The following GMDS variants were observed in gnomAD, a reference collection of about 807,000 sequenced individuals.
The protein encoded by GMDS is GDP-mannose 4,6-dehydratase.
GMDS carries 20 observed loss-of-function variants against 49.9 expected under a neutral mutation model. That is an observed-to-expected ratio of 0.40 (90% confidence interval 0.28 to 0.58). The LOEUF (loss-of-function observed/expected upper bound fraction) is 0.58, where lower values mean the gene tolerates loss of function less well. Ranked by LOEUF, GMDS falls within the 20% of genes least tolerant of loss-of-function variation. The pLI, the probability that GMDS is intolerant of heterozygous loss-of-function variation, is 0.42. For missense variants in GMDS, 362 were observed against 481.4 expected, an observed-to-expected ratio of 0.75 and a Z score of 2.32; for synonymous variants, 177 against 178.6, an observed-to-expected ratio of 0.99 and a Z score of 0.07.
At chr6:2,082,031 C>T (rs1450895775) in intron 4 of GMDS, among the ~76,000 whole-genome samples, 1 of 152,166 alleles carries the variant, frequency 6.6e-6, no homozygotes, top group Non-Finnish European at 1.5e-5. Context: ...AGGAAATACC[C>T]TCATTGTTCT....
intron 4 of GMDS, among the ~76,000 whole-genome samples, chr6:2,099,506 G>C (rs1399095787): frequency 6.6e-6 from 1 of 152,052 alleles, no homozygotes; most frequent in African/African-American, 2.4e-5. Flanking sequence ...ACATGCCTCA[G>C]AATCATTTCA....
intron 1 of GMDS, among the ~76,000 whole-genome samples, chr6:2,235,210 G>C (rs1457130232): frequency 6.6e-6 from 1 of 152,218 alleles, no homozygotes; most frequent in Non-Finnish European, 1.5e-5. Context: ...CATCCCCTTA[G>C]GGGTGATGGG....
At chr6:2,086,759 G>A (rs1353000214) in intron 4 of GMDS, among the ~76,000 whole-genome samples, 1 of 152,218 alleles carries the variant, frequency 6.6e-6, no homozygotes, top group Non-Finnish European at 1.5e-5. Context: ...GTGATAGTAT[G>A]CCTTTCCAGG....
chr6:2,238,696 G>A (rs947849906), intron 1 of GMDS, among the ~76,000 whole-genome samples: 1 of 151,768 alleles, frequency 6.6e-6, no homozygotes, highest in African/African-American at 2.4e-5. Flanking sequence ...TTGTGATGTG[G>A]GCATAATTAA....
rs1015905690 is a variant in GMDS, at chr6:1,976,399, C to T, written c.346-15433G>A. On this transcript the variant is annotated intron_variant, in intron 4 of 10. Coordinates refer to ENST00000380815, the MANE Select transcript of GMDS (RefSeq NM_001500.4). ...CTTGTTCACCAGTATGTGCCTAACC[C>T]AGTGCCTGGCACATAACGGGAACAC... Among the ~76,000 whole-genome samples the T allele has an allele frequency of 2.0e-5, 3 of 152,162 alleles. No homozygotes were observed. The South Asian group carries it at 6.2e-4, about 31-fold the overall frequency.
At chr6:1,861,296 G>A (rs1042394825) in intron 7 of GMDS, among the ~76,000 whole-genome samples, 11 of 152,178 alleles carry the variant, frequency 7.2e-5, no homozygotes, top group African/African-American at 2.7e-4. Context: ...TATAAAATGG[G>A]AAGAGATGAT....
At chr6:1,743,201 C>T (rs1767343188) in intron 7 of GMDS, among the ~76,000 whole-genome samples, 1 of 152,034 alleles carries the variant, frequency 6.6e-6, no homozygotes, top group African/African-American at 2.4e-5. Flanking sequence ...AACATTTATC[C>T]CAGAGTTAAT....
chr6:2,098,374 T>G (rs1004540382), intron 4 of GMDS, among the ~76,000 whole-genome samples: 1 of 152,222 alleles, frequency 6.6e-6, no homozygotes, highest in Non-Finnish European at 1.5e-5. Flanking sequence ...ATTATTTTTA[T>G]AATTACTCTT....
chr6:1,663,141 C>T (rs1236403045), intron 9 of GMDS, among the ~76,000 whole-genome samples: 2 of 152,180 alleles, frequency 1.3e-5, no homozygotes. Flanking sequence ...TAGGAGCAGA[C>T]TGTAGCTTTT....
At chr6:1,702,482 T>C (rs945838843) in intron 9 of GMDS, among the ~76,000 whole-genome samples, 10 of 126,356 alleles carry the variant, frequency 7.9e-5, no homozygotes, top group Non-Finnish European at 1.3e-4. Context: ...TCACTGTATG[T>C]GGGAGGAGTA....
intron 7 of GMDS, among the ~76,000 whole-genome samples, chr6:1,897,822 G>C (rs1010725717): frequency 6.6e-6 from 1 of 152,192 alleles, no homozygotes; most frequent in Non-Finnish European, 1.5e-5. Flanking sequence ...GACATGACCT[G>C]TCCAATGCTG....
At chr6:2,244,517 C>T (rs548067885) in intron 1 of GMDS, among the ~76,000 whole-genome samples, 17 of 152,256 alleles carry the variant, frequency 1.1e-4, no homozygotes, top group African/African-American at 4.1e-4. Flanking sequence ...AACAGCACAG[C>T]TTGGTAAGAC....
chr6:1,998,575 A>G (rs547442114), intron 4 of GMDS, among the ~76,000 whole-genome samples: 37 of 152,344 alleles, frequency 2.4e-4, no homozygotes, highest in Admixed American at 7.2e-4. Flanking sequence ...GATTCAATCA[A>G]CCACAATTCA....
At chr6:1,673,620 G>A (rs914486308) in intron 9 of GMDS, among the ~76,000 whole-genome samples, 3 of 151,960 alleles carry the variant, frequency 2.0e-5, no homozygotes, top group Non-Finnish European at 2.9e-5. Flanking sequence ...TTTGACAAAC[G>A]TATAATGTCA....
chr6:1,892,865 T>C (rs974792255), intron 7 of GMDS, among the ~76,000 whole-genome samples: 4 of 152,144 alleles, frequency 2.6e-5, no homozygotes, highest in African/African-American at 9.6e-5. Flanking sequence ...GCAGCTGCAG[T>C]TTCCCTTCTT....
intron 2 of GMDS, 103 bp from the exon 3 acceptor site, chr6:2,117,659 T>C (rs1774920624): frequency 1.4e-6 from 1 of 720,694 alleles, no homozygotes. Flanking sequence ...GTAAGCATTA[T>C]TTTAAATTAT....
At chr6:1,711,790 G>T (rs561387013) in intron 9 of GMDS, among the ~76,000 whole-genome samples, 1 of 152,124 alleles carries the variant, frequency 6.6e-6, no homozygotes, top group Admixed American at 6.5e-5. Flanking sequence ...TTTTCCGTCC[G>T]ATTTTGTGCA....
At chr6:1,965,295 T>C (rs796878175) in intron 4 of GMDS, among the ~76,000 whole-genome samples, 1 of 152,160 alleles carries the variant, frequency 6.6e-6, no homozygotes, top group Non-Finnish European at 1.5e-5. Flanking sequence ...AGACTAAAGA[T>C]AGTAAATAAG....
intron 4 of GMDS, among the ~76,000 whole-genome samples, chr6:1,983,737 T>C (rs1024984248): frequency 2.0e-5 from 3 of 152,180 alleles, no homozygotes; most frequent in African/African-American, 7.2e-5. Flanking sequence ...CTGGCAAGGT[T>C]GTGGAGAAAA....
Sources: gnomAD v4.1 joint callset for allele counts (sites outside exome capture counted in the v4.1 genomes callset) on GRCh38, gnomAD v4.1.1 for gene constraint, MANE v1.5 for transcripts, NCBI Gene and HGNC (gene_info 2026-07-23, HGNC 2026-07-21) for gene names.